EED: variants seen among roughly 807,000 people sequenced by gnomAD.
EED encodes the protein embryonic ectoderm development, also known as polycomb protein EED.
EED carries 9 observed loss-of-function variants against 61.0 expected under a neutral mutation model. That is an observed-to-expected ratio of 0.15 (90% CI 0.09 to 0.26). EED has a LOEUF of 0.26. EED is among the 10% of genes least tolerant of loss of function. The pLI is 1.00. For synonymous variants in EED, 187 were observed against 174.4 expected (o/e 1.07, Z -0.57); for missense variants, 315 against 542.3 (o/e 0.58, Z 4.16).
chr11:86,277,330 A>T, intron 10 of EED, 192 bp downstream of exon 10: 1 of 461,244 alleles, frequency 2.2e-6, no homozygotes, highest in South Asian at 5.3e-5. Context: ...GGCTCTGCAT[A>T]TGATCTGCAG....
chr11:86,267,258 G>A (rs532607298), intron 8 of EED, among the ~76,000 whole-genome samples: 3 of 152,216 alleles, frequency 2.0e-5, no homozygotes, highest in South Asian at 2.1e-4. Context: ...ATCAGATCAC[G>A]AATAACATTT....
At chr11:86,284,022 G>A in the EED span, 6 of 152,182 alleles carry the variant, frequency 3.9e-5, no homozygotes, top group African/African-American at 7.2e-5. Context: ...GACTGCAGTC[G>A]TGACCACTGA....
intron 1 of EED, among the ~76,000 whole-genome samples, chr11:86,248,366 G>T (rs1945442420): frequency 6.6e-6 from 1 of 152,172 alleles, no homozygotes. Flanking sequence ...CGAATGTTTT[G>T]TGTGGCCTCT....
At chr11:86,278,069 A>G in intron 11 of EED, 78 bp downstream of exon 11, 1 of 1,401,296 alleles carries the variant, frequency 7.1e-7, no homozygotes, top group Non-Finnish European at 9.3e-7. Context: ...AAGATCATTT[A>G]TATTTGCAGT....
At chr11:86,270,168 T>C (rs1349551316) in intron 9 of EED, 1 of 700,404 alleles carries the variant, frequency 1.4e-6, no homozygotes, top group Non-Finnish European at 2.6e-6. Flanking sequence ...GTATTGTCAT[T>C]ATTTTTTATT....
Position 86,278,708 on chromosome 11 carries a change from T to A in EED, c.*183T>A. The A allele has an allele frequency of 1.5e-6, 1 of 651,880 alleles. No individual in the cohort carries two copies. The highest frequency in any genetic ancestry group is 2.2e-6 in the Non-Finnish European group (1 of 454,562). The allele number at this position is 651,880 out of a possible 1,614,324, so 40.4% of individuals were successfully genotyped here. The stretch of plus-strand genomic sequence containing the variant: ...TTGTACTGTCTTCCTGCTCAGACTC[T>A]ACTGCTTTTAATAAAAATTTATTTT... On this transcript the variant is annotated 3_prime_UTR_variant, in exon 12 of 12. Coordinates refer to ENST00000263360, the MANE Select transcript of EED (RefSeq NM_003797.5).
chr11:86,264,092 T>C (rs538340633), intron 6 of EED, 80 bp from the exon 7 acceptor site: 14 of 1,086,476 alleles, frequency 1.3e-5, no homozygotes, highest in East Asian at 7.2e-5. Flanking sequence ...ATCTAGACTT[T>C]AGTAGTTTTT....
At chr11:86,274,632 C>G (rs1946188024) in intron 9 of EED, among the ~76,000 whole-genome samples, 1 of 152,160 alleles carries the variant, frequency 6.6e-6, no homozygotes. Flanking sequence ...AGTTAAGGCT[C>G]TCCGTAGGCC....
chr11:86,278,638 A>T lies in EED; in HGVS notation c.*113A>T, dbSNP rs561777177. Reference sequence around the variant, plus strand: ...ATTTAGAGTTGTCTTTCAGCATTCAATCAGGCTGAGCTGAATGTAGTGATG... The same window carrying T: ...ATTTAGAGTTGTCTTTCAGCATTCATTCAGGCTGAGCTGAATGTAGTGATG... On this transcript the variant is annotated 3_prime_UTR_variant, in exon 12 of 12. Coordinates refer to ENST00000263360, the MANE Select transcript of EED (RefSeq NM_003797.5). The T allele has an allele frequency of 2.9e-6, 4 of 1,386,138 alleles. No homozygotes were observed. In the East Asian group the frequency reaches 7.2e-5, roughly 25 times the overall value. The allele number at this position is 1,386,138 out of a possible 1,614,324, so 85.9% of individuals were successfully genotyped here.
Position 86,278,600 on chromosome 11 carries a change from G to T in EED, c.*75G>T. The T allele has an allele frequency of 6.4e-7, 1 of 1,555,810 alleles. No individual in the cohort carries two copies. The highest frequency in any genetic ancestry group is 2.3e-5 in the East Asian group (1 of 44,250). On this transcript the variant is annotated 3_prime_UTR_variant, in exon 12 of 12. Transcript: ENST00000263360. ...TAGAATTAATGTATCTTGCTAGTAA[G>T]GGCACGTAGAGCATTTAGAGTTGTC...
intron 9 of EED, among the ~76,000 whole-genome samples, chr11:86,273,264 T>G (rs1946157963): frequency 6.6e-6 from 1 of 152,234 alleles, no homozygotes; most frequent in Admixed American, 6.5e-5. Flanking sequence ...CTCAGGTGAT[T>G]CCCCTGCATT....
Position 86,278,727 on chromosome 11 carries a change from T to A in EED, c.*202T>A, listed in dbSNP as rs901654619. On this transcript the variant is annotated 3_prime_UTR_variant, in exon 12 of 12. Transcript: ENST00000263360. ...AGACTCTACTGCTTTTAATAAAAAT[T>A]TATTTTTGTAAAGCTGTGTGTTTAG... 9 of 587,150 alleles carry A rather than the reference T, an allele frequency of 1.5e-5. No individual in the cohort carries two copies. Among genetic ancestry groups the A allele is most frequent in the Non-Finnish European group, 1.5e-5 (6 of 399,422 alleles). 36.4% of individuals were successfully genotyped at this position (587,150 alleles called of 1,614,324 possible).
intron 3 of EED, among the ~76,000 whole-genome samples, chr11:86,252,511 G>GTT (rs140669073): frequency 6.8e-6 from 1 of 146,594 alleles, no homozygotes. Context: ...AAGAATTGGC[G>GTT]TCCTTTTTTT....
At chr11:86,281,446 C>T (rs1241538829), downstream of EED, among the ~76,000 whole-genome samples, 5 of 151,304 alleles carry the variant, frequency 3.3e-5, no homozygotes, top group South Asian at 1.0e-3. Flanking sequence ...CTGCTCTGAT[C>T]TTTGTTATTT....
In EED at chr11:86,245,337, C is replaced by G. The variant is rs1226072986; in HGVS notation, c.108C>G (p.Asp36Glu). The change falls in exon 1 of 12, where the codon GAC becomes GAG. Residue 36 changes from aspartate to glutamate, a missense_variant. Transcript: ENST00000263360. ...DENSNPDLSGDENDDAVSIES... is the reference protein window; with the variant it reads ...DENSNPDLSGEENDDAVSIES... The stretch of plus-strand genomic sequence containing the variant: ...ACAGCAATCCAGACCTCTCTGGAGA[C>G]GAGAATGTAAGTGCAGCTTCTGGCA... 1 of 1,609,822 alleles carries G rather than the reference C, an allele frequency of 6.2e-7. No individual in the cohort carries two copies. The highest frequency in any genetic ancestry group is 8.5e-7 in the Non-Finnish European group (1 of 1,177,752).
downstream of EED, among the ~76,000 whole-genome samples, chr11:86,282,970 A>G (rs564030604): frequency 6.6e-6 from 1 of 152,202 alleles, no homozygotes; most frequent in East Asian, 1.9e-4. Context: ...CCTCTACTAC[A>G]AATACAAAAA....
chr11:86,252,024 C>T (rs1945544639), intron 2 of EED, 124 bp from the exon 3 acceptor site: 1 of 552,110 alleles, frequency 1.8e-6, no homozygotes, highest in Non-Finnish European at 3.0e-6. Flanking sequence ...CAAAAGTTAG[C>T]TTATGTATGA....
intron 10 of EED, 149 bp downstream of exon 10, chr11:86,277,287 C>A: frequency 1.5e-6 from 1 of 670,132 alleles, no homozygotes; most frequent in Non-Finnish European, 2.3e-6. Flanking sequence ...TGTCATTCAT[C>A]AAATACTTTG....
intron 10 of EED, 108 bp downstream of exon 10, chr11:86,277,246 G>A: frequency 1.3e-5 from 14 of 1,069,592 alleles, no homozygotes; most frequent in Non-Finnish European, 1.8e-5. Flanking sequence ...AATCTACCCT[G>A]ATGTTTTGTA....
Sources: allele counts gnomAD v4.1 joint callset (sites outside exome capture counted in the v4.1 genomes callset), GRCh38; gene constraint gnomAD v4.1.1; transcripts MANE v1.5; gene names NCBI Gene and HGNC (gene_info 2026-07-23, HGNC 2026-07-21).